The following SETD1B variants were observed in gnomAD, a reference collection of about 807,000 sequenced individuals.
The protein encoded by SETD1B is histone-lysine N-methyltransferase SETD1B.
In SETD1B, 7 loss-of-function variants were observed where a neutral mutation model predicts 148.0. The observed-to-expected ratio is 0.05, with a 90% confidence interval of 0.03 to 0.09. The LOEUF is 0.09. Ranked by LOEUF, SETD1B falls within the 10% of genes least tolerant of loss-of-function variation. The pLI, the probability that SETD1B is intolerant of heterozygous loss-of-function variation, is 1.00. For synonymous variants in SETD1B, 1,361 were observed against 1,186.5 expected (o/e 1.15, Z -3.02); for missense variants, 2,155 against 2,729.9 (o/e 0.79, Z 4.69).
At chr12:121,811,215 C>G (rs914786266) in intron 6 of SETD1B, among the ~76,000 whole-genome samples, 1 of 152,096 alleles carries the variant, frequency 6.6e-6, no homozygotes, top group Non-Finnish European at 1.5e-5. Context: ...TTGTCTGTTG[C>G]GTGGCTTGGG....
chr12:121,829,233 G>A (rs559490255), intron 16 of SETD1B, among the ~76,000 whole-genome samples: 3 of 152,328 alleles, frequency 2.0e-5, no homozygotes, highest in South Asian at 4.1e-4. Context: ...GGCTGCTGGG[G>A]CAGGAGTGGA....
chr12:121,819,393 C>T lies in SETD1B; in HGVS notation c.3419-11C>T, dbSNP rs993553631. On this transcript the variant is annotated splice_polypyrimidine_tract_variant and intron_variant, in intron 10 of 16. Transcript: ENST00000604567. ...TCCTCAGGCAGCCCCTCGTCTGTGT[C>T]CCCCATCCAGAGGAGACAGTGAGCA... 1.3e-6 allele frequency: 2 copies of T among 1,551,488 alleles called. No individual in the cohort carries two copies. The highest frequency in any genetic ancestry group is 2.4e-5 in the South Asian group (2 of 83,968).
rs1875866607 is a variant in SETD1B at position 121,808,749 on chromosome 12, C to T, written c.657+429C>T. On this transcript the variant is annotated intron_variant, in intron 5 of 16. Transcript: ENST00000604567. The surrounding 1 kb of genome is among the most constrained non-coding windows in gnomAD (Gnocchi z 5.3). The stretch of plus-strand genomic sequence containing the variant: ...GCCCTGCCTTCCAGAGCAAGGCTGA[C>T]TCCTTCCAAACCACTGCCTTCCAGG... 1.3e-5 allele frequency among the ~76,000 whole-genome samples: 2 copies of T among 152,390 alleles called. No homozygotes were observed. Among genetic ancestry groups the T allele is most frequent in the South Asian group, 4.1e-4 (2 of 4,832 alleles).
chr12:121,790,226 T>A, the SETD1B span, among the ~76,000 whole-genome samples: 18 of 152,212 alleles, frequency 1.2e-4, no homozygotes, highest in African/African-American at 4.3e-4. Flanking sequence ...TGGTCCTGGG[T>A]GTGGAGAAAT....
chr12:121,823,079 G>A lies in SETD1B; in HGVS notation c.4500G>A (p.Leu1500=). The A allele has an allele frequency of 7.0e-7, 1 of 1,434,198 alleles. No homozygotes were observed. The allele number at this position is 1,434,198 out of a possible 1,614,324, so 88.8% of individuals were successfully genotyped here. A position where few individuals can be genotyped will look rare whatever the true frequency, so the allele number is the denominator to read the frequency against. ...CCCAGGCTCGTGCGCCCACCCCGCT[G>A]CCACCCCTGCTGCCCGCCCCCCTGG... The part of the protein sequence containing the change: ...LRAQARAPTP[L]PPLLPAPLAS... Residue 1500 remains leucine (L), a synonymous_variant, in exon 12 of 17, where the codon CTG becomes CTA. Coordinates refer to ENST00000604567, the MANE Select transcript of SETD1B (RefSeq NM_001353345.2).
chr12:121,822,315 T>C (rs1243056371), intron 11 of SETD1B, among the ~76,000 whole-genome samples, 175 bp from the exon 12 acceptor site: 1 of 152,198 alleles, frequency 6.6e-6, no homozygotes, highest in African/African-American at 2.4e-5. Flanking sequence ...GCACATACTG[T>C]GTGCCTGACA....
rs921251425 is a variant in SETD1B, at chr12:121,807,819, C to G, written c.545-389C>G. Among the ~76,000 whole-genome samples the G allele has an allele frequency of 3.6e-4, 55 of 152,038 alleles. 1 individual carries two copies. Among genetic ancestry groups the G allele is most frequent in the Admixed American group, 3.1e-3 (48 of 15,268 alleles). ...ACTCTGGCTTCTGTGTCACGGGCTTCCCTTCCTCTTACTGCAAGCCCCTGG... is the reference window on the plus strand; with the variant it reads ...ACTCTGGCTTCTGTGTCACGGGCTTGCCTTCCTCTTACTGCAAGCCCCTGG... On this transcript the variant is annotated intron_variant, in intron 4 of 16. Coordinates refer to ENST00000604567, the MANE Select transcript of SETD1B (RefSeq NM_001353345.2).
chr12:121,813,290 C>T (rs1592979926), intron 6 of SETD1B, among the ~76,000 whole-genome samples: 1 of 150,836 alleles, frequency 6.6e-6, no homozygotes, highest in East Asian at 2.0e-4. Flanking sequence ...AGTCACGAGA[C>T]TAGGTGAAAA....
At chr12:121,821,428 G>C (rs912851730) in intron 11 of SETD1B, among the ~76,000 whole-genome samples, 2 of 148,936 alleles carry the variant, frequency 1.3e-5, no homozygotes, top group Non-Finnish European at 3.0e-5. Context: ...GATAGAGTGA[G>C]ACTGTCTTAA....
the SETD1B span, chr12:121,797,372 T>C: frequency 4.5e-6 from 2 of 443,220 alleles, no homozygotes; most frequent in African/African-American, 4.0e-5. Context: ...CCGCCCCGCG[T>C]TCGCTGGGTG....
upstream of SETD1B, chr12:121,801,779 A>T (rs1410737443): frequency 6.6e-6 from 1 of 152,204 alleles, no homozygotes; most frequent in African/African-American, 2.4e-5. Flanking sequence ...GTAGGCAAAA[A>T]GGCGGCTTCG....
At chr12:121,807,457 AAAAAGAAAAG>A (rs768801015) in intron 4 of SETD1B, among the ~76,000 whole-genome samples, 1 of 144,482 alleles carries the variant, frequency 6.9e-6, no homozygotes, top group African/African-American at 2.7e-5. Context: ...AAAAAAAAAA[AAAAAGAAAAG>A]AAAAGAAAAG....
chr12:121,792,502 C>T, the SETD1B span, among the ~76,000 whole-genome samples: 1 of 152,258 alleles, frequency 6.6e-6, no homozygotes, highest in Non-Finnish European at 1.5e-5. Context: ...GCCCCCAGTG[C>T]TCTGTTCCTT....
At chr12:121,802,005 T>G (rs1465196680), upstream of SETD1B, 1 of 152,170 alleles carries the variant, frequency 6.6e-6, no homozygotes, top group Non-Finnish European at 1.5e-5. Flanking sequence ...TTAGTCTCTC[T>G]ACACAAAGAA....
intron 16 of SETD1B, among the ~76,000 whole-genome samples, 171 bp downstream of exon 16, chr12:121,828,241 C>T (rs1876936698): frequency 6.6e-6 from 1 of 152,366 alleles, no homozygotes; most frequent in East Asian, 1.9e-4. Context: ...TTACCAGGAG[C>T]TCTACTCCTC....
In SETD1B at chr12:121,805,726, T is replaced by G; in HGVS notation, c.274-109T>G. The G allele has an allele frequency of 9.0e-7, 1 of 1,115,832 alleles. No individual in the cohort carries two copies. The highest frequency in any genetic ancestry group is 1.2e-6 in the Non-Finnish European group (1 of 808,214). The allele number at this position is 1,115,832 out of a possible 1,614,324, so 69.1% of individuals were successfully genotyped here. A position where few individuals can be genotyped will look rare whatever the true frequency, so the allele number is the denominator to read the frequency against. Reference sequence around the variant, plus strand: ...TTTTTAATTTTTAGTTTTTTTACCCTTTATTGTTTTCAACGGGTGGGCGAG... The same window carrying G: ...TTTTTAATTTTTAGTTTTTTTACCCGTTATTGTTTTCAACGGGTGGGCGAG... On this transcript the variant is annotated intron_variant, in intron 3 of 16. Transcript: ENST00000604567. The surrounding 1 kb of genome is among the most constrained non-coding windows in gnomAD (Gnocchi z 4.2).
chr12:121,806,617 G>T (rs946498744), intron 4 of SETD1B, among the ~76,000 whole-genome samples: 25 of 152,346 alleles, frequency 1.6e-4, no homozygotes, highest in Non-Finnish European at 1.8e-4. Context: ...TCTGGGGCCA[G>T]GAGTGTTGTT....
the SETD1B span, chr12:121,795,268 T>A: frequency 6.6e-6 from 1 of 152,104 alleles, no homozygotes; most frequent in African/African-American, 2.4e-5. Context: ...ACTCATCCAT[T>A]CCTTTTTTGC....
rs1876880696 is a variant in SETD1B, at chr12:121,827,167, G to A, written c.5338-352G>A. On this transcript the variant is annotated intron_variant, in intron 13 of 16. Coordinates refer to ENST00000604567, the MANE Select transcript of SETD1B (RefSeq NM_001353345.2). Reference sequence around the variant, plus strand: ...GGCCCAGGGAGGCCAAGAGCAGGACGTGACACAAGGGTTTCGGAAGGATCC... The same window carrying A: ...GGCCCAGGGAGGCCAAGAGCAGGACATGACACAAGGGTTTCGGAAGGATCC... Among the ~76,000 whole-genome samples, 4 of 152,134 alleles carry A rather than the reference G, an allele frequency of 2.6e-5. No individual in the cohort carries two copies. In the South Asian group the frequency reaches 6.2e-4, roughly 24 times the overall value.
Sources: gnomAD v4.1 joint callset for allele counts (sites outside exome capture counted in the v4.1 genomes callset) on GRCh38, gnomAD v4.1.1 for gene constraint, Gnocchi (gnomAD v3.1) non-coding constraint, MANE v1.5 for transcripts, NCBI Gene and HGNC (gene_info 2026-07-23, HGNC 2026-07-21) for gene names.